The following RAPGEF2 variants were observed in gnomAD, a reference collection of about 807,000 sequenced individuals.
RAPGEF2 encodes the protein Rap guanine nucleotide exchange factor 2.
In RAPGEF2, 54 loss-of-function variants were observed where a neutral mutation model predicts 186.7. That is an observed-to-expected ratio of 0.29 (90% CI 0.23 to 0.36). The LOEUF is 0.36. Among genes scored for constraint, RAPGEF2 ranks in the 10% least tolerant of loss-of-function variants. The probability of loss-of-function intolerance (pLI) is 1.00; values close to 1 mark genes in which losing one functional copy is unlikely to be tolerated. For synonymous variants in RAPGEF2, 712 were observed against 705.9 expected (o/e 1.01, Z -0.14); for missense variants, 1,532 against 2,045.0 (o/e 0.75, Z 4.84).
chr4:159,208,034 A>G (rs538006454), intron 3 of RAPGEF2, among the ~76,000 whole-genome samples: 1 of 152,310 alleles, frequency 6.6e-6, no homozygotes, highest in South Asian at 2.1e-4. Context: ...TTTTATTTTT[A>G]TGGTTCTGCA....
At chr4:159,330,295 GTATA>G (rs368303569) in intron 12 of RAPGEF2, 35 bp from the exon 13 acceptor site, 17,000 of 917,350 alleles carry the variant, frequency 0.019, 2,565 homozygotes, top group Non-Finnish European at 0.023. Flanking sequence ...GTGTGTGTGT[GTATA>G]TATATGTAGT....
intron 1 of RAPGEF2, among the ~76,000 whole-genome samples, chr4:159,163,376 A>G (rs1344835611): frequency 2.6e-5 from 4 of 152,198 alleles, no homozygotes; most frequent in African/African-American, 9.6e-5. Context: ...GTGTTGAATA[A>G]GCACTTTGTC....
chr4:159,250,968 C>G (rs566726238), intron 7 of RAPGEF2, among the ~76,000 whole-genome samples: 1 of 152,340 alleles, frequency 6.6e-6, no homozygotes, highest in African/African-American at 2.4e-5. Flanking sequence ...CGCTCATGGG[C>G]CAGCACGAGT....
chr4:159,295,132 T>C (rs1208516477), intron 7 of RAPGEF2, among the ~76,000 whole-genome samples: 1 of 152,186 alleles, frequency 6.6e-6, no homozygotes, highest in Non-Finnish European at 1.5e-5. Flanking sequence ...ATCGCAGTAA[T>C]TATTATTAAC....
chr4:159,356,238 T>C, intron 29 of RAPGEF2, 80 bp downstream of exon 29: 1 of 1,384,934 alleles, frequency 7.2e-7, no homozygotes, highest in Non-Finnish European at 9.9e-7. Flanking sequence ...TTCTGTTCTC[T>C]TAACACTGCA....
intron 7 of RAPGEF2, among the ~76,000 whole-genome samples, chr4:159,300,142 C>T (rs1452546474): frequency 6.6e-6 from 1 of 150,832 alleles, no homozygotes; most frequent in Non-Finnish European, 1.5e-5. Context: ...ACTTTATATA[C>T]TTTAATACTA....
intron 1 of RAPGEF2, among the ~76,000 whole-genome samples, chr4:159,162,859 A>G (rs957244229): frequency 2.0e-5 from 3 of 152,092 alleles, no homozygotes; most frequent in African/African-American, 7.3e-5. Flanking sequence ...TACACATTTT[A>G]AGTTGTCTCT....
chr4:159,305,715 T>C (rs1763199168), intron 8 of RAPGEF2, among the ~76,000 whole-genome samples: 1 of 152,144 alleles, frequency 6.6e-6, no homozygotes, highest in South Asian at 2.1e-4. Flanking sequence ...TTGCCTGTGC[T>C]TTTGAGGTCT....
Position 159,322,340 on chromosome 4 carries a change from T to C in RAPGEF2, c.854-7T>C, listed in dbSNP as rs758393477. 1 of 1,613,044 alleles carries C rather than the reference T, an allele frequency of 6.2e-7. No homozygotes were observed. The highest frequency in any genetic ancestry group is 8.5e-7 in the Non-Finnish European group (1 of 1,179,216). On this transcript the variant is annotated splice_polypyrimidine_tract_variant and splice_region_variant and intron_variant, in intron 9 of 29. Coordinates refer to ENST00000691494, the MANE Select transcript of RAPGEF2 (RefSeq NM_001394067.2). ...AGTTTTTACAAAGTATGTCTTTTGC[T>C]TTTCAGAACAACTCTTGGAATTTAT...
intron 3 of RAPGEF2, among the ~76,000 whole-genome samples, chr4:159,209,516 A>T (rs1750310263): frequency 6.6e-6 from 1 of 152,160 alleles, no homozygotes. Flanking sequence ...CTTTGCTCAA[A>T]TGTCTTCTCT....
At chr4:159,323,063 ATTAAC>A (rs1765447610) in intron 10 of RAPGEF2, among the ~76,000 whole-genome samples, 1 of 152,334 alleles carries the variant, frequency 6.6e-6, no homozygotes, top group South Asian at 2.1e-4. Context: ...TTTTTGATAT[ATTAAC>A]TTTTCAGTTT....
chr4:159,240,331 C>T (rs1320401556), intron 5 of RAPGEF2, among the ~76,000 whole-genome samples: 11 of 77,606 alleles, frequency 1.4e-4, no homozygotes, highest in African/African-American at 2.1e-4. Context: ...AGCATTTCTA[C>T]TTTTTTTTTT....
At chr4:159,218,330 T>C (rs1200791384) in intron 4 of RAPGEF2, among the ~76,000 whole-genome samples, 3 of 152,178 alleles carry the variant, frequency 2.0e-5, no homozygotes, top group Non-Finnish European at 4.4e-5. Flanking sequence ...ACTGTCCTCA[T>C]TGAGTTTTAC....
intron 7 of RAPGEF2, among the ~76,000 whole-genome samples, chr4:159,298,883 CTTCTCTAAGTCCT>C (rs778295483): frequency 9.9e-5 from 15 of 152,206 alleles, no homozygotes; most frequent in Non-Finnish European, 2.1e-4. Context: ...GTGCCAGGCA[CTTCTCTAAGTCCT>C]TCACACCCAT....
intron 1 of RAPGEF2, among the ~76,000 whole-genome samples, chr4:159,163,599 G>C (rs1290006260): frequency 6.6e-6 from 1 of 152,154 alleles, no homozygotes; most frequent in Non-Finnish European, 1.5e-5. Flanking sequence ...ATGCATAAAT[G>C]AATACAGTGG....
intron 7 of RAPGEF2, chr4:159,267,853 C>A: frequency 9.8e-7 from 1 of 1,021,654 alleles, no homozygotes; most frequent in Non-Finnish European, 1.2e-6. Context: ...CAGAAATGAT[C>A]TTGTTCTCTT....
intron 3 of RAPGEF2, among the ~76,000 whole-genome samples, chr4:159,198,270 C>CCTT: frequency 1.8e-5 from 1 of 55,744 alleles, no homozygotes; most frequent in Non-Finnish European, 3.0e-5. Flanking sequence ...CTCTTTCTTT[C>CCTT]CTTCTTTCTT....
intron 29 of RAPGEF2, among the ~76,000 whole-genome samples, chr4:159,357,837 A>G (rs935989059): frequency 6.6e-6 from 1 of 152,208 alleles, no homozygotes; most frequent in African/African-American, 2.4e-5. Flanking sequence ...CTATTTTACA[A>G]CTTTTTAAAA....
chr4:159,233,822 C>A (rs746217079), intron 4 of RAPGEF2, among the ~76,000 whole-genome samples: 14 of 151,924 alleles, frequency 9.2e-5, no homozygotes, highest in Non-Finnish European at 1.9e-4. Context: ...TTAACACACA[C>A]AAAAAATCAA....
Sources: allele counts gnomAD v4.1 joint callset (sites outside exome capture counted in the v4.1 genomes callset), GRCh38; gene constraint gnomAD v4.1.1; transcripts MANE v1.5; gene names NCBI Gene and HGNC (gene_info 2026-07-23, HGNC 2026-07-21).